The following DDX10 variants were observed in gnomAD, a reference collection of about 807,000 sequenced individuals.
DDX10 encodes probable ATP-dependent RNA helicase DDX10.
In DDX10, 74 loss-of-function variants were observed where a neutral mutation model predicts 104.3. That is an observed-to-expected ratio of 0.71 (90% CI 0.59 to 0.86). The LOEUF (loss-of-function observed/expected upper bound fraction) is 0.86, where lower values mean the gene tolerates loss of function less well. Among genes scored for constraint, DDX10 ranks in the 40% least tolerant of loss-of-function variants. The pLI is 0.00. For missense variants in DDX10, 952 were observed against 1,040.0 expected (o/e 0.92, Z 1.16); for synonymous variants, 351 against 353.4 (o/e 0.99, Z 0.08).
intron 13 of DDX10, among the ~76,000 whole-genome samples, chr11:108,746,003 A>G (rs113868961): frequency 5.3e-5 from 8 of 152,290 alleles, no homozygotes; most frequent in African/African-American, 1.9e-4. Flanking sequence ...CATTACCATG[A>G]TCAGTATTAG....
At chr11:108,688,032 A>G (rs2094247040) in intron 6 of DDX10, among the ~76,000 whole-genome samples, 1 of 152,198 alleles carries the variant, frequency 6.6e-6, no homozygotes, top group South Asian at 2.1e-4. Context: ...ACTCCTCAGC[A>G]ATATATGGAT....
intron 13 of DDX10, among the ~76,000 whole-genome samples, chr11:108,807,900 C>T (rs1402531636): frequency 2.6e-5 from 4 of 152,148 alleles, no homozygotes; most frequent in Non-Finnish European, 4.4e-5. Context: ...AGAGATGGAT[C>T]CATAGTTACT....
At chr11:108,907,891 C>CA (rs1380427389) in intron 16 of DDX10, among the ~76,000 whole-genome samples, 4 of 152,080 alleles carry the variant, frequency 2.6e-5, no homozygotes, top group African/African-American at 9.7e-5. Flanking sequence ...AAAAATATTG[C>CA]AAAATATTTT....
intron 15 of DDX10, among the ~76,000 whole-genome samples, chr11:108,845,053 C>A (rs12791624): frequency 2.4e-4 from 37 of 151,982 alleles, no homozygotes; most frequent in Middle Eastern, 3.4e-3. Flanking sequence ...AGAAAAAAAA[C>A]CAAAATTAGC....
At chr11:108,738,790 G>A (rs888046341) in intron 13 of DDX10, among the ~76,000 whole-genome samples, 6 of 152,140 alleles carry the variant, frequency 3.9e-5, no homozygotes, top group African/African-American at 9.7e-5. Context: ...GCAGGTTAAC[G>A]TATTAGCCTG....
intron 13 of DDX10, among the ~76,000 whole-genome samples, chr11:108,759,922 T>C (rs912205807): frequency 3.3e-5 from 5 of 152,050 alleles, no homozygotes; most frequent in Non-Finnish European, 7.4e-5. Context: ...GGAATGTGTT[T>C]TCTTACCTAC....
chr11:108,879,494 A>G (rs1186649425), intron 16 of DDX10, among the ~76,000 whole-genome samples: 2 of 152,208 alleles, frequency 1.3e-5, no homozygotes, highest in Admixed American at 6.5e-5. Context: ...TAATTTCTAC[A>G]TTGCTCCCAC....
chr11:108,838,659 A>AC, intron 14 of DDX10, 94 bp downstream of exon 14: 5 of 1,378,196 alleles, frequency 3.6e-6, no homozygotes, highest in Non-Finnish European at 4.9e-6. Context: ...TGATAGAGTA[A>AC]ATGTTTCTCT....
chr11:108,729,889 C>G (rs576815276), intron 13 of DDX10: 18 of 152,360 alleles, frequency 1.2e-4, no homozygotes, highest in African/African-American at 1.9e-4. Context: ...ATTAGAATAC[C>G]TTCCCAACTA....
chr11:108,722,338 T>C (rs1243981947), intron 12 of DDX10, among the ~76,000 whole-genome samples: 1 of 152,214 alleles, frequency 6.6e-6, no homozygotes, highest in Non-Finnish European at 1.5e-5. Context: ...AATGAAGCTA[T>C]TAGCTTTGAT....
At chr11:108,911,714 G>T (rs1191348793) in intron 16 of DDX10, among the ~76,000 whole-genome samples, 1 of 151,788 alleles carries the variant, frequency 6.6e-6, no homozygotes, top group Non-Finnish European at 1.5e-5. Flanking sequence ...AACTATAGGA[G>T]CGTGTCACCA....
At chr11:108,811,902 A>G (rs903898948) in intron 13 of DDX10, among the ~76,000 whole-genome samples, 7 of 135,622 alleles carry the variant, frequency 5.2e-5, no homozygotes, top group Non-Finnish European at 8.2e-5. Context: ...TGGGGGGGGG[A>G]AGAGAGCTGA....
chr11:108,711,025 A>G (rs2094283633), intron 10 of DDX10, among the ~76,000 whole-genome samples: 1 of 152,170 alleles, frequency 6.6e-6, no homozygotes, highest in African/African-American at 2.4e-5. Flanking sequence ...TTGGCCTCCC[A>G]AAGTGCTAGA....
intron 1 of DDX10, among the ~76,000 whole-genome samples, chr11:108,671,776 G>A (rs906613414): frequency 5.3e-5 from 8 of 152,016 alleles, no homozygotes; most frequent in Non-Finnish European, 1.0e-4. Flanking sequence ...CCTTTTCTTC[G>A]TCTTCTTTTA....
intron 2 of DDX10, among the ~76,000 whole-genome samples, chr11:108,674,191 G>A (rs554060852): frequency 2.6e-3 from 398 of 151,992 alleles, no homozygotes; most frequent in African/African-American, 8.8e-3. Context: ...GTGTGGTGGC[G>A]GGCACCTGTA....
At chr11:108,940,148 A>G in intron 17 of DDX10, 98 bp from the exon 18 acceptor site, 2 of 1,286,926 alleles carry the variant, frequency 1.6e-6, no homozygotes, top group East Asian at 5.0e-5. Flanking sequence ...TCATTCTTGA[A>G]TAATATCACT....
intron 13 of DDX10, among the ~76,000 whole-genome samples, chr11:108,811,386 A>G (rs1805570735): frequency 6.6e-6 from 1 of 152,198 alleles, no homozygotes; most frequent in African/African-American, 2.4e-5. Flanking sequence ...GACTTCTAAA[A>G]GGATCATGGG....
At chr11:108,724,248 A>T (rs2094302419) in intron 13 of DDX10, among the ~76,000 whole-genome samples, 1 of 152,100 alleles carries the variant, frequency 6.6e-6, no homozygotes, top group African/African-American at 2.4e-5. Context: ...TTTGACTGTG[A>T]AACTTAGAAG....
chr11:108,684,160 T>TC (rs2094239552), intron 6 of DDX10, among the ~76,000 whole-genome samples: 1 of 125,726 alleles, frequency 8.0e-6, no homozygotes, highest in South Asian at 2.9e-4. Context: ...TTTTTTTTTT[T>TC]AAGGTTATAG....
Sources: gnomAD v4.1 joint callset for allele counts (sites outside exome capture counted in the v4.1 genomes callset) on GRCh38, gnomAD v4.1.1 for gene constraint, MANE v1.5 for transcripts, NCBI Gene and HGNC (gene_info 2026-07-23, HGNC 2026-07-21) for gene names.